The following SLX4IP variants were observed in gnomAD, a reference collection of about 807,000 sequenced individuals.
The protein encoded by SLX4IP is SLX4 interacting protein, also known as protein SLX4IP.
In SLX4IP, 34 loss-of-function variants were observed where a neutral mutation model predicts 32.9. The ratio of observed to expected loss-of-function variants is 1.03; its 90% CI spans 0.79 to 1.38. The LOEUF (loss-of-function observed/expected upper bound fraction) is 1.38, where lower values mean the gene tolerates loss of function less well. Ranked by LOEUF, SLX4IP falls within the 40% of genes most tolerant of loss-of-function variation. The pLI is 0.00. For synonymous variants in SLX4IP, 172 were observed against 171.7 expected, an observed-to-expected ratio of 1.00 and a Z score of -0.01; for missense variants, 444 against 479.0, an observed-to-expected ratio of 0.93 and a Z score of 0.68.
Position 10,565,518 on chromosome 20 carries a change from T to G in SLX4IP, c.238+4698T>G, listed in dbSNP as rs1427159248. The stretch of plus-strand genomic sequence containing the variant: ...CCTGTGGCCACAGCCTTGTGCTGTT[T>G]TTTCCCTTTTGAGTCCACCACAAGG... On this transcript the variant is annotated intron_variant, in intron 4 of 7. Transcript: ENST00000334534. 2.0e-5 allele frequency among the ~76,000 whole-genome samples: 3 copies of G among 152,286 alleles called. No homozygotes were observed. The South Asian group carries it at 6.2e-4, about 32-fold the overall frequency.
chr20:10,593,665 G>A (rs926805684), intron 4 of SLX4IP, among the ~76,000 whole-genome samples: 6 of 152,156 alleles, frequency 3.9e-5, no homozygotes, highest in African/African-American at 1.4e-4. Context: ...GAGCCCAGGA[G>A]GTTGAGGCTG....
intron 2 of SLX4IP, among the ~76,000 whole-genome samples, chr20:10,516,576 T>A (rs909380012): frequency 6.6e-6 from 1 of 152,242 alleles, no homozygotes; most frequent in Non-Finnish European, 1.5e-5. Context: ...TTCTGAGATG[T>A]TTTGTAACAA....
At chr20:10,576,054 CAA>C (rs1032261923) in intron 4 of SLX4IP, among the ~76,000 whole-genome samples, 7 of 152,138 alleles carry the variant, frequency 4.6e-5, no homozygotes, top group Non-Finnish European at 1.0e-4. Flanking sequence ...TGATTAAAAA[CAA>C]GAGAGCTTTC....
Position 10,620,080 on chromosome 20 carries a change from C to T in SLX4IP, c.406-1234C>T, listed in dbSNP as rs1030897458. Among the ~76,000 whole-genome samples, 12 of 152,240 alleles carry T rather than the reference C, an allele frequency of 7.9e-5. No individual in the cohort carries two copies. In the South Asian group the frequency reaches 1.2e-3, roughly 16 times the overall value. Reference sequence around the variant, plus strand: ...CCTCGGCTTGTAGGATAACCAGGCACGGTACTCATGGCTGCCACCCACCAG... The same window carrying T: ...CCTCGGCTTGTAGGATAACCAGGCATGGTACTCATGGCTGCCACCCACCAG... On this transcript the variant is annotated intron_variant, in intron 6 of 7. Transcript: ENST00000334534.
chr20:10,440,635 C>T (rs2065153524), intron 1 of SLX4IP, among the ~76,000 whole-genome samples: 1 of 152,282 alleles, frequency 6.6e-6, no homozygotes, highest in African/African-American at 2.4e-5. Context: ...AACTTCCCTT[C>T]TGCCACCCCT....
chr20:10,545,285 G>A (rs2066151369), intron 2 of SLX4IP, among the ~76,000 whole-genome samples: 1 of 152,134 alleles, frequency 6.6e-6, no homozygotes, highest in South Asian at 2.1e-4. Context: ...CCAAGGTTCT[G>A]GTAACCCTGA....
At chr20:10,491,279 A>G (rs1227131768) in intron 2 of SLX4IP, among the ~76,000 whole-genome samples, 1 of 152,242 alleles carries the variant, frequency 6.6e-6, no homozygotes, top group Non-Finnish European at 1.5e-5. Context: ...CTTAAAGGAA[A>G]TGAAGAAATT....
chr20:10,494,721 C>T (rs2065652381), intron 2 of SLX4IP, among the ~76,000 whole-genome samples: 1 of 152,024 alleles, frequency 6.6e-6, no homozygotes, highest in African/African-American at 2.4e-5. Context: ...CTTCTTCCTC[C>T]TATCTCCCCC....
intron 2 of SLX4IP, among the ~76,000 whole-genome samples, chr20:10,543,248 A>G (rs73078758): frequency 0.017 from 2,542 of 152,326 alleles, 32 homozygotes; most frequent in Middle Eastern, 0.027. Context: ...AATGACTCCA[A>G]CGTTTTTGAC....
intron 1 of SLX4IP, among the ~76,000 whole-genome samples, chr20:10,439,541 T>C (rs1469677737): frequency 2.6e-5 from 4 of 152,198 alleles, no homozygotes; most frequent in Non-Finnish European, 5.9e-5. Context: ...AATTATTTGG[T>C]AATGAAGCCT....
chr20:10,582,057 T>C (rs1017821763), intron 4 of SLX4IP, among the ~76,000 whole-genome samples: 2 of 152,192 alleles, frequency 1.3e-5, no homozygotes, highest in Non-Finnish European at 2.9e-5. Context: ...TAATAAAATG[T>C]TATGAGCTTT....
At chr20:10,569,416 C>T (rs574754743) in intron 4 of SLX4IP, among the ~76,000 whole-genome samples, 78 of 152,198 alleles carry the variant, frequency 5.1e-4, no homozygotes, top group Admixed American at 1.0e-3. Context: ...CCACCCCCTT[C>T]GGCCTCCCAA....
At chr20:10,474,989 C>T (rs1440908358) in intron 2 of SLX4IP, among the ~76,000 whole-genome samples, 2 of 152,228 alleles carry the variant, frequency 1.3e-5, no homozygotes, top group East Asian at 1.9e-4. Flanking sequence ...CACTCCTTAT[C>T]CTCTGTCTGT....
intron 2 of SLX4IP, among the ~76,000 whole-genome samples, chr20:10,477,215 C>T (rs929533157): frequency 1.3e-5 from 2 of 151,700 alleles, no homozygotes; most frequent in African/African-American, 4.9e-5. Flanking sequence ...GGCATGATTT[C>T]GGCTCACTGC....
intron 2 of SLX4IP, among the ~76,000 whole-genome samples, chr20:10,551,008 AGAGAATGTGGGGACCTTTCTACATC>A (rs1275977272): frequency 1.3e-5 from 2 of 152,200 alleles, no homozygotes; most frequent in Non-Finnish European, 2.9e-5. Flanking sequence ...TGAGTGCATG[AGAGAATGTGGGGACCTTTCTACATC>A]TCTTAAGAGT....
At chr20:10,477,343 A>C (rs1412219927) in intron 2 of SLX4IP, among the ~76,000 whole-genome samples, 3 of 152,050 alleles carry the variant, frequency 2.0e-5, no homozygotes, top group Non-Finnish European at 4.4e-5. Context: ...ACGGGATTTC[A>C]CCATGTTGGT....
At chr20:10,564,370 T>C (rs545881309) in intron 4 of SLX4IP, among the ~76,000 whole-genome samples, 1 of 152,316 alleles carries the variant, frequency 6.6e-6, no homozygotes, top group East Asian at 1.9e-4. Flanking sequence ...TCCCTGAAAA[T>C]AGAGTTGTTG....
intron 6 of SLX4IP, among the ~76,000 whole-genome samples, chr20:10,608,393 C>T (rs542382407): frequency 1.1e-3 from 172 of 152,146 alleles, no homozygotes; most frequent in Non-Finnish European, 2.1e-3. Flanking sequence ...AGGCCAGGCG[C>T]GGTGGCTCAT....
At chr20:10,458,564 G>A (rs932249456) in intron 2 of SLX4IP, among the ~76,000 whole-genome samples, 8 of 151,724 alleles carry the variant, frequency 5.3e-5, no homozygotes, top group African/African-American at 1.9e-4. Flanking sequence ...CCCCCCATGT[G>A]TCTATGTGTT....
Sources: gnomAD v4.1 joint callset for allele counts (sites outside exome capture counted in the v4.1 genomes callset) on GRCh38, gnomAD v4.1.1 for gene constraint, MANE v1.5 for transcripts, NCBI Gene and HGNC (gene_info 2026-07-23, HGNC 2026-07-21) for gene names.